TBC1D14: variants seen among roughly 807,000 people sequenced by gnomAD.
TBC1D14 encodes TBC1 domain family member 14, also known as TBC1 domain family, member 14.
In TBC1D14, 26 loss-of-function variants were observed where a neutral mutation model predicts 79.0. The observed-to-expected ratio is 0.33, with a 90% CI of 0.24 to 0.46. The LOEUF (loss-of-function observed/expected upper bound fraction) is 0.46. Among genes scored for constraint, TBC1D14 ranks in the 20% least tolerant of loss-of-function variants. The pLI is 1.00. For synonymous variants in TBC1D14, 394 were observed against 349.9 expected (o/e 1.13, Z -1.40); for missense variants, 769 against 887.6 (o/e 0.87, Z 1.70).
chr4:6,950,981 T>C (rs376463945), intron 2 of TBC1D14, among the ~76,000 whole-genome samples: 6 of 152,326 alleles, frequency 3.9e-5, no homozygotes, highest in African/African-American at 1.4e-4. Flanking sequence ...TACATGAACC[T>C]ACCAGTGTGT....
chr4:7,013,401 A>T (rs1033924689), intron 11 of TBC1D14, among the ~76,000 whole-genome samples: 1 of 152,234 alleles, frequency 6.6e-6, no homozygotes, highest in Admixed American at 6.5e-5. Flanking sequence ...CAGAGTCGTG[A>T]TCTGCCCCCA....
In TBC1D14 at chr4:6,970,080, G is replaced by A. The variant is rs1291815181; in HGVS notation, c.843+2656G>A. On this transcript the variant is annotated intron_variant, in intron 3 of 13. Transcript: ENST00000409757. The stretch of plus-strand genomic sequence containing the variant: ...CAGCCTGCACTTGAGAGAGGCAGGC[G>A]CTGGGGCCATGACAGCCTAGACTTG... Among the ~76,000 whole-genome samples the A allele has an allele frequency of 3.3e-5, 5 of 152,174 alleles. No individual in the cohort carries two copies. In the South Asian group the frequency reaches 8.3e-4, roughly 25 times the overall value.
intron 11 of TBC1D14, among the ~76,000 whole-genome samples, chr4:7,012,326 T>C (rs6811744): frequency 0.037 from 5,527 of 150,070 alleles, 353 homozygotes; most frequent in African/African-American, 0.13. Context: ...AAAAAGTTGT[T>C]GGTAAATTTG....
intron 2 of TBC1D14, among the ~76,000 whole-genome samples, chr4:6,944,588 CTG>C (rs1159862214): frequency 6.6e-6 from 1 of 152,234 alleles, no homozygotes; most frequent in Non-Finnish European, 1.5e-5. Context: ...AGCCCAGCCT[CTG>C]TTTTACAAAC....
chr4:6,946,193 C>T (rs1429455370), intron 2 of TBC1D14, among the ~76,000 whole-genome samples: 2 of 152,128 alleles, frequency 1.3e-5, no homozygotes, highest in Admixed American at 6.5e-5. Flanking sequence ...GGCATAGCAC[C>T]TAGAACATAG....
chr4:6,949,421 G>A (rs564790338), intron 2 of TBC1D14, among the ~76,000 whole-genome samples: 4 of 151,976 alleles, frequency 2.6e-5, no homozygotes, highest in Non-Finnish European at 4.4e-5. Flanking sequence ...AGTGGCTCAC[G>A]CCTATAATCC....
chr4:6,979,525 G>A (rs906477082), intron 3 of TBC1D14, among the ~76,000 whole-genome samples: 16 of 152,110 alleles, frequency 1.1e-4, no homozygotes, highest in African/African-American at 3.4e-4. Context: ...AGAGACTGAG[G>A]CAGGAGGATC....
At chr4:6,989,355 C>T (rs1218110888) in intron 3 of TBC1D14, among the ~76,000 whole-genome samples, 1 of 152,208 alleles carries the variant, frequency 6.6e-6, no homozygotes, top group Admixed American at 6.5e-5. Flanking sequence ...AACTTTGACT[C>T]TGCACCATTC....
intron 2 of TBC1D14, among the ~76,000 whole-genome samples, chr4:6,951,253 T>C (rs932934923): frequency 3.9e-5 from 6 of 152,046 alleles, no homozygotes; most frequent in Non-Finnish European, 7.4e-5. Flanking sequence ...GATGGCACCA[T>C]TGCACTCCAG....
chr4:6,990,363 C>T (rs1164683380), intron 3 of TBC1D14, among the ~76,000 whole-genome samples: 1 of 152,194 alleles, frequency 6.6e-6, no homozygotes, highest in Non-Finnish European at 1.5e-5. Flanking sequence ...GCAGGAGAAT[C>T]GCTTGAACCC....
At chr4:6,942,776 G>A (rs111895208) in intron 2 of TBC1D14, among the ~76,000 whole-genome samples, 2,623 of 152,258 alleles carry the variant, frequency 0.017, 77 homozygotes, top group African/African-American at 0.06. Flanking sequence ...AGGGGCCAGT[G>A]GGTGGGATGA....
intron 3 of TBC1D14, among the ~76,000 whole-genome samples, chr4:6,970,452 C>T (rs1173830463): frequency 2.6e-5 from 4 of 152,252 alleles, no homozygotes; most frequent in South Asian, 2.1e-4. Context: ...TTGCTGTTAC[C>T]GTTGTTTCTT....
chr4:6,988,603 G>A (rs569570981), intron 3 of TBC1D14, among the ~76,000 whole-genome samples: 1 of 152,334 alleles, frequency 6.6e-6, no homozygotes, highest in Admixed American at 6.5e-5. Flanking sequence ...TATTCCAGGC[G>A]CGCTCCCAAA....
chr4:7,007,261 G>A (rs564759359), intron 9 of TBC1D14, among the ~76,000 whole-genome samples: 1 of 152,342 alleles, frequency 6.6e-6, no homozygotes, highest in African/African-American at 2.4e-5. Context: ...TGCTGTGGGA[G>A]ATAGGACAGG....
chr4:6,927,312 C>T (rs1183135998), intron 2 of TBC1D14, among the ~76,000 whole-genome samples: 2 of 152,022 alleles, frequency 1.3e-5, no homozygotes, highest in East Asian at 1.9e-4. Context: ...GGGGTGGCAC[C>T]GCAGCCGAGA....
intron 12 of TBC1D14, among the ~76,000 whole-genome samples, chr4:7,022,450 C>T (rs1560363027): frequency 6.6e-6 from 1 of 152,186 alleles, no homozygotes; most frequent in Non-Finnish European, 1.5e-5. Context: ...AAGGAGGGTG[C>T]GTGCAGTGCA....
At position 6,924,594 on chromosome 4, in the gene TBC1D14, C is replaced by T. The variant is rs79169236; in HGVS notation, c.722+483C>T. On this transcript the variant is annotated intron_variant, in intron 2 of 13. Transcript: ENST00000409757. The stretch of plus-strand genomic sequence containing the variant: ...GATGGCTGTGCTCTCGTGTGCCTGT[C>T]CTGGCCCTGCCTCTGCTGTGGAGGT... Among the ~76,000 whole-genome samples, 1,462 of 152,194 alleles carry T rather than the reference C, an allele frequency of 9.6e-3. 29 individuals carry two copies. Among genetic ancestry groups the T allele is most frequent in the African/African-American group, 0.033 (1,368 of 41,538 alleles).
intron 11 of TBC1D14, 81 bp downstream of exon 11, chr4:7,010,862 AAAAAAAGAAT>A: frequency 6.8e-7 from 1 of 1,472,528 alleles, no homozygotes; most frequent in Non-Finnish European, 9.2e-7. Context: ...TTTTCGGTGG[AAAAAAAGAAT>A]ACATTTTCTC....
In TBC1D14 at chr4:7,025,103, C is replaced by G; in HGVS notation, c.1857C>G (p.Ala619=). 6.2e-7 allele frequency: 1 copy of G among 1,614,198 alleles called. No homozygotes were observed. Among genetic ancestry groups the G allele is most frequent in the Non-Finnish European group, 8.5e-7 (1 of 1,180,022 alleles). ...RDGEEFLFRT[A]LGILKLFEDI... ...GGGAAGAGTTCCTGTTCCGCACGGC[C>G]CTGGGCATCCTGAAGCTGTTCGAGG... Residue 619 remains alanine (A), a synonymous_variant, in exon 13 of 14, where the codon GCC becomes GCG. Transcript: ENST00000409757.
Sources: allele counts gnomAD v4.1 joint callset (sites outside exome capture counted in the v4.1 genomes callset), GRCh38; gene constraint gnomAD v4.1.1; transcripts MANE v1.5; gene names NCBI Gene and HGNC (gene_info 2026-07-23, HGNC 2026-07-21).